The following NRXN1 variants were observed in gnomAD, a reference collection of about 807,000 sequenced individuals.
NRXN1 encodes neurexin 1.
A neutral mutation model predicts 150.9 loss-of-function variants in NRXN1; 39 were observed. That is an observed-to-expected ratio of 0.26 (90% confidence interval 0.20 to 0.34). The LOEUF is 0.34. Ranked by LOEUF, NRXN1 falls within the 10% of genes least tolerant of loss-of-function variation. The pLI, the probability that NRXN1 is intolerant of heterozygous loss-of-function variation, is 1.00. For synonymous variants in NRXN1, 924 were observed against 757.0 expected, an observed-to-expected ratio of 1.22 and a Z score of -3.62; for missense variants, 1,815 against 1,949.9, an observed-to-expected ratio of 0.93 and a Z score of 1.30.
chr2:50,745,278 C>A (rs1312797108), intron 5 of NRXN1, among the ~76,000 whole-genome samples: 3 of 150,292 alleles, frequency 2.0e-5, no homozygotes, highest in African/African-American at 7.4e-5. Flanking sequence ...GTAAATCATG[C>A]TTATTTTTAT....
intron 17 of NRXN1, among the ~76,000 whole-genome samples, chr2:50,363,849 C>T (rs923524203): frequency 5.9e-5 from 9 of 152,120 alleles, no homozygotes; most frequent in Admixed American, 1.3e-4. Flanking sequence ...CCCAAATGCC[C>T]GTCAATATTA....
At chr2:50,529,786 T>C (rs2093051297) in intron 11 of NRXN1, among the ~76,000 whole-genome samples, 1 of 152,188 alleles carries the variant, frequency 6.6e-6, no homozygotes, top group African/African-American at 2.4e-5. Flanking sequence ...TTTGATTGGC[T>C]TGTAATAACC....
Position 50,821,374 on chromosome 2 carries a change from A to T in NRXN1, c.832+100495T>A, listed in dbSNP as rs575387279. Among the ~76,000 whole-genome samples the T allele has an allele frequency of 1.8e-4, 28 of 152,302 alleles. No homozygotes were observed. The South Asian group carries it at 4.6e-3, about 25-fold the overall frequency. ...TTCTTCTTCCAATGTGGTGAAGGGAAACCAAAAGATTGGACACCCCTGGCT... is the reference window on the plus strand; with the variant it reads ...TTCTTCTTCCAATGTGGTGAAGGGATACCAAAAGATTGGACACCCCTGGCT... On this transcript the variant is annotated intron_variant, in intron 5 of 22. Transcript: ENST00000401669.
chr2:50,182,878 C>T (rs2060825255), intron 18 of NRXN1, among the ~76,000 whole-genome samples: 1 of 151,940 alleles, frequency 6.6e-6, no homozygotes, highest in African/African-American at 2.4e-5. Flanking sequence ...AGAAAAAGTT[C>T]AGTAAAGTAA....
At chr2:50,380,902 C>A (rs942311179) in intron 17 of NRXN1, among the ~76,000 whole-genome samples, 2 of 152,120 alleles carry the variant, frequency 1.3e-5, no homozygotes, top group African/African-American at 4.8e-5. Context: ...TAAGGTATTA[C>A]ATTAGGCCCT....
chr2:50,785,398 GCCA>G, intron 5 of NRXN1, among the ~76,000 whole-genome samples: 1 of 152,028 alleles, frequency 6.6e-6, no homozygotes, highest in East Asian at 1.9e-4. Context: ...ACAGGCACCT[GCCA>G]CCACGCCTGG....
chr2:50,614,017 T>A (rs1388227226), intron 8 of NRXN1, among the ~76,000 whole-genome samples: 1 of 152,050 alleles, frequency 6.6e-6, no homozygotes, highest in East Asian at 1.9e-4. Flanking sequence ...GTATGGAAAA[T>A]GTTTAGGAAA....
At chr2:50,651,929 T>C (rs1685699012) in intron 5 of NRXN1, among the ~76,000 whole-genome samples, 1 of 151,968 alleles carries the variant, frequency 6.6e-6, no homozygotes, top group Non-Finnish European at 1.5e-5. Context: ...ATGAACCCTA[T>C]TTAAATGAGC....
intron 21 of NRXN1, among the ~76,000 whole-genome samples, chr2:49,977,893 C>A (rs556836012): frequency 2.0e-5 from 3 of 152,004 alleles, no homozygotes; most frequent in Non-Finnish European, 4.4e-5. Flanking sequence ...TGTAGCGGGG[C>A]GGTGGCTCAC....
chr2:50,434,382 A>G (rs1319102872), intron 17 of NRXN1, among the ~76,000 whole-genome samples: 1 of 151,794 alleles, frequency 6.6e-6, no homozygotes. Flanking sequence ...TCGCCCGGCC[A>G]TCTTTTGCTT....
Position 50,279,222 on chromosome 2 carries a change from T to C in NRXN1, c.3365-42252A>G, listed in dbSNP as rs931323871. ...GCTTATCAGCTGATACAGTTATCTA[T>C]AAAACAGCCCTAAGGTACTGGTCAT... On this transcript the variant is annotated intron_variant, in intron 17 of 22. Coordinates refer to ENST00000401669, the MANE Select transcript of NRXN1 (RefSeq NM_001330078.2). Among the ~76,000 whole-genome samples the C allele has an allele frequency of 5.3e-5, 8 of 152,172 alleles. No individual in the cohort carries two copies. The South Asian group carries it at 1.0e-3, about 20-fold the overall frequency.
chr2:50,639,144 G>A (rs1683673840), intron 5 of NRXN1, among the ~76,000 whole-genome samples: 2 of 151,710 alleles, frequency 1.3e-5, no homozygotes, highest in South Asian at 4.2e-4. Context: ...ACTAGAATTT[G>A]GCTTTATGAC....
chr2:50,269,138 C>T (rs1240448567), intron 17 of NRXN1, among the ~76,000 whole-genome samples: 1 of 152,144 alleles, frequency 6.6e-6, no homozygotes, highest in African/African-American at 2.4e-5. Context: ...CCTAAGATCA[C>T]AACTAATATT....
At chr2:50,961,397 A>G (rs1183659932) in intron 2 of NRXN1, among the ~76,000 whole-genome samples, 1 of 151,840 alleles carries the variant, frequency 6.6e-6, no homozygotes, top group Non-Finnish European at 1.5e-5. Context: ...TAGAAAAAAA[A>G]GGGTTATATA....
intron 5 of NRXN1, among the ~76,000 whole-genome samples, chr2:50,881,968 C>T (rs1220644149): frequency 6.6e-6 from 1 of 151,306 alleles, no homozygotes; most frequent in Non-Finnish European, 1.5e-5. Flanking sequence ...GGGGAGGGAG[C>T]GAAAATTCTG....
rs530992590 is a variant in NRXN1, at chr2:50,441,966, A to T, written c.3364+23476T>A. On this transcript the variant is annotated intron_variant, in intron 17 of 22. Transcript: ENST00000401669. ...TCTTTCCAAGCACTGTTATATGTTT[A>T]CAGAGTTGGATCAGCATCCACTGGT... is the stretch of plus-strand genomic sequence containing the variant. Among the ~76,000 whole-genome samples, 231 of 152,272 alleles carry T rather than the reference A, an allele frequency of 1.5e-3. 1 individual carries two copies. The highest frequency in any genetic ancestry group is 2.0e-3 in the Non-Finnish European group (138 of 68,008).
intron 5 of NRXN1, among the ~76,000 whole-genome samples, chr2:50,677,145 T>TA (rs1314203063): frequency 6.6e-6 from 1 of 152,122 alleles, no homozygotes; most frequent in African/African-American, 2.4e-5. Flanking sequence ...ACATTATTGT[T>TA]AAAAATCTCT....
intron 21 of NRXN1, among the ~76,000 whole-genome samples, chr2:50,011,112 A>G (rs910812604): frequency 1.3e-5 from 2 of 152,162 alleles, no homozygotes; most frequent in South Asian, 2.1e-4. Flanking sequence ...CAGTATCCAG[A>G]TAAGTTCGGA....
chr2:50,228,360 T>C (rs1574612816), intron 18 of NRXN1, among the ~76,000 whole-genome samples: 1 of 152,106 alleles, frequency 6.6e-6, no homozygotes, highest in Non-Finnish European at 1.5e-5. Flanking sequence ...AGAGACATGG[T>C]AGCAATTCGG....
Sources: allele counts gnomAD v4.1 joint callset (sites outside exome capture counted in the v4.1 genomes callset), GRCh38; gene constraint gnomAD v4.1.1; transcripts MANE v1.5; gene names NCBI Gene and HGNC (gene_info 2026-07-23, HGNC 2026-07-21).